BRINP3: variants seen among roughly 807,000 people sequenced by gnomAD.
BRINP3 encodes the protein BMP/retinoic acid-inducible neural-specific protein 3.
A neutral mutation model predicts 71.0 loss-of-function variants in BRINP3; 19 were observed. The observed-to-expected ratio is 0.27, with a 90% CI of 0.19 to 0.39. The LOEUF (loss-of-function observed/expected upper bound fraction) is 0.39, where lower values mean the gene tolerates loss of function less well. Ranked by LOEUF, BRINP3 falls within the 10% of genes least tolerant of loss-of-function variation. BRINP3 has a pLI of 1.00. For synonymous variants in BRINP3, 380 were observed against 337.7 expected (o/e 1.13, Z -1.37); for missense variants, 959 against 940.8 (o/e 1.02, Z -0.25).
In BRINP3 at chr1:190,477,531, GGTAAA is replaced by G. The variant is rs1179881915; in HGVS notation, c.-139_-135del. On this transcript the variant is annotated 5_prime_UTR_variant, in exon 1 of 8. It introduces an in-frame stop codon into an upstream open reading frame of the 5' UTR. Coordinates refer to ENST00000367462, the MANE Select transcript of BRINP3 (RefSeq NM_199051.3). ...GATATTCCATGATCTTCCAAATCAA[GGTAAA>G]GTAGTGAGCTGCAGGGTAGTAGGAC... 6.6e-6 allele frequency: 1 copy of G among 152,164 alleles called. No individual in the cohort carries two copies. The highest frequency in any genetic ancestry group is 1.5e-5 in the Non-Finnish European group (1 of 68,036). 9.4% of individuals were successfully genotyped at this position (152,164 alleles called of 1,614,324 possible). A position where few individuals can be genotyped will look rare whatever the true frequency, so the allele number is the denominator to read the frequency against.
chr1:190,141,560 T>TTTC, intron 7 of BRINP3, among the ~76,000 whole-genome samples: 2 of 129,252 alleles, frequency 1.5e-5, no homozygotes, highest in African/African-American at 6.1e-5. Flanking sequence ...CTTTCCTTTT[T>TTTC]TTTTTTTTTT....
intron 2 of BRINP3, among the ~76,000 whole-genome samples, chr1:190,401,420 A>G (rs1671920217): frequency 6.6e-6 from 1 of 151,846 alleles, no homozygotes; most frequent in Non-Finnish European, 1.5e-5. Context: ...CAAACAATCA[A>G]AAAGCTAGGG....
intron 2 of BRINP3, among the ~76,000 whole-genome samples, chr1:190,291,098 A>G (rs1396482894): frequency 6.6e-6 from 1 of 152,132 alleles, no homozygotes; most frequent in Non-Finnish European, 1.5e-5. Context: ...AGTATAGATT[A>G]ATCTTTTATT....
chr1:190,219,421 A>G (rs1400885839), intron 6 of BRINP3, among the ~76,000 whole-genome samples: 3 of 152,152 alleles, frequency 2.0e-5, no homozygotes, highest in Non-Finnish European at 4.4e-5. Flanking sequence ...ATAATAAAAA[A>G]TCAAACAGAA....
intron 4 of BRINP3, among the ~76,000 whole-genome samples, chr1:190,261,392 T>A (rs1661172164): frequency 6.7e-6 from 1 of 150,366 alleles, no homozygotes; most frequent in Admixed American, 6.7e-5. Flanking sequence ...GTATAGCAAT[T>A]AATTAAGCTA....
chr1:190,312,295 A>C (rs1262394984), intron 2 of BRINP3, among the ~76,000 whole-genome samples: 2 of 151,048 alleles, frequency 1.3e-5, no homozygotes, highest in African/African-American at 4.9e-5. Flanking sequence ...GTTACAGAGA[A>C]TATGCATGTA....
chr1:190,136,420 T>G (rs1203626044), intron 7 of BRINP3, among the ~76,000 whole-genome samples: 4 of 152,092 alleles, frequency 2.6e-5, no homozygotes, highest in Admixed American at 6.6e-5. Context: ...TGAACTCAGT[T>G]CATCACATGG....
chr1:190,436,081 C>T (rs1420174200), intron 2 of BRINP3, among the ~76,000 whole-genome samples: 1 of 151,852 alleles, frequency 6.6e-6, no homozygotes, highest in Non-Finnish European at 1.5e-5. Flanking sequence ...AATTATCCTT[C>T]GATCCAGTTA....
chr1:190,149,563 C>A (rs976062943), intron 7 of BRINP3, among the ~76,000 whole-genome samples: 1 of 150,960 alleles, frequency 6.6e-6, no homozygotes, highest in African/African-American at 2.4e-5. Flanking sequence ...GGAGCATGTA[C>A]GTTTTTGTAT....
At chr1:190,370,535 T>TA (rs1669791790) in intron 2 of BRINP3, among the ~76,000 whole-genome samples, 1 of 152,192 alleles carries the variant, frequency 6.6e-6, no homozygotes, top group Non-Finnish European at 1.5e-5. Flanking sequence ...TACTATCCAA[T>TA]ACAGAAGTCT....
intron 6 of BRINP3, among the ~76,000 whole-genome samples, chr1:190,197,657 C>T (rs923530679): frequency 6.6e-6 from 1 of 152,200 alleles, no homozygotes; most frequent in Non-Finnish European, 1.5e-5. Flanking sequence ...CCAGGTCACA[C>T]TTATGCAAGA....
At chr1:190,112,959 C>T (rs984799244) in intron 7 of BRINP3, among the ~76,000 whole-genome samples, 1 of 152,058 alleles carries the variant, frequency 6.6e-6, no homozygotes, top group Non-Finnish European at 1.5e-5. Context: ...GAAAGCATTA[C>T]TGAATGGTAC....
chr1:190,135,718 G>T (rs1011250212), intron 7 of BRINP3, among the ~76,000 whole-genome samples: 6 of 151,722 alleles, frequency 4.0e-5, no homozygotes, highest in Admixed American at 1.3e-4. Flanking sequence ...TTTGTAAAGG[G>T]GTAGATTACA....
chr1:190,323,923 G>C (rs1031014071), intron 2 of BRINP3, among the ~76,000 whole-genome samples: 1 of 151,816 alleles, frequency 6.6e-6, no homozygotes, highest in African/African-American at 2.4e-5. Flanking sequence ...ATAAATTGTT[G>C]TTGAAAAGAA....
At chr1:190,183,046 G>A (rs751012560) in intron 6 of BRINP3, among the ~76,000 whole-genome samples, 115 of 152,232 alleles carry the variant, frequency 7.6e-4, no homozygotes, top group Non-Finnish European at 1.1e-3. Flanking sequence ...AATGAGCGTA[G>A]AAGTACACTG....
intron 2 of BRINP3, among the ~76,000 whole-genome samples, chr1:190,333,094 T>C (rs2103085721): frequency 6.6e-6 from 1 of 152,120 alleles, no homozygotes; most frequent in East Asian, 1.9e-4. Context: ...TTTTGGATGC[T>C]TATAATATAC....
intron 2 of BRINP3, among the ~76,000 whole-genome samples, chr1:190,383,655 C>T (rs576901407): frequency 6.6e-6 from 1 of 151,996 alleles, no homozygotes; most frequent in East Asian, 1.9e-4. Context: ...CTTTGCAATC[C>T]ATTTTACCTG....
rs1183775672 is a variant in BRINP3 at position 190,392,533 on chromosome 1, C to T, written c.236+62122G>A. Among the ~76,000 whole-genome samples, 3 of 151,518 alleles carry T rather than the reference C, an allele frequency of 2.0e-5. No homozygotes were observed. The Admixed American group carries it at 2.0e-4, about 10-fold the overall frequency. On this transcript the variant is annotated intron_variant, in intron 2 of 7. Transcript: ENST00000367462. ...TATATGATACATTGTACTGCAGTTTCGATAGGGTGGAACATGTTTAAAGGG... is the reference window on the plus strand; with the variant it reads ...TATATGATACATTGTACTGCAGTTTTGATAGGGTGGAACATGTTTAAAGGG...
chr1:190,138,912 G>A (rs1655196218), intron 7 of BRINP3, among the ~76,000 whole-genome samples: 2 of 152,198 alleles, frequency 1.3e-5, no homozygotes, highest in Middle Eastern at 3.4e-3. Context: ...GCGGCAGCAG[G>A]GACAGGCAAA....
Sources: allele counts gnomAD v4.1 joint callset (sites outside exome capture counted in the v4.1 genomes callset), GRCh38; gene constraint gnomAD v4.1.1; transcripts MANE v1.5; gene names NCBI Gene and HGNC (gene_info 2026-07-23, HGNC 2026-07-21).